MYO18B: variants seen among roughly 807,000 people sequenced by gnomAD.
MYO18B encodes myosin XVIIIB, also known as unconventional myosin-XVIIIb.
A neutral mutation model predicts 273.0 loss-of-function variants in MYO18B; 204 were observed. That is an observed-to-expected ratio of 0.75 (90% confidence interval 0.67 to 0.84). The LOEUF is 0.84. Ranked by LOEUF, MYO18B falls within the 40% of genes least tolerant of loss-of-function variation. MYO18B has a pLI of 0.00. For missense variants in MYO18B, 3,212 were observed against 3,287.6 expected, an observed-to-expected ratio of 0.98 and a Z score of 0.56; for synonymous variants, 1,330 against 1,305.7, an observed-to-expected ratio of 1.02 and a Z score of -0.40.
chr22:25,754,341 G>A (rs1199594084), intron 1 of MYO18B, among the ~76,000 whole-genome samples: 1 of 152,202 alleles, frequency 6.6e-6, no homozygotes, highest in Non-Finnish European at 1.5e-5. Context: ...AATTGACAGG[G>A]AGGATAGAAA....
Position 26,023,444 on chromosome 22 carries a change from T to C in MYO18B, c.6471-3001T>C, listed in dbSNP as rs367614110. 2.0e-4 allele frequency among the ~76,000 whole-genome samples: 30 copies of C among 151,708 alleles called. 1 individual carries two copies. Among genetic ancestry groups the C allele is most frequent in the African/African-American group, 4.6e-4 (19 of 41,302 alleles). Reference sequence around the variant, plus strand: ...CTTCCTCCTACTTTTATGCCTTTTTTCCCCCCTATGTTTTTGGCTCATCTT... The same window carrying C: ...CTTCCTCCTACTTTTATGCCTTTTTCCCCCCCTATGTTTTTGGCTCATCTT... On this transcript the variant is annotated intron_variant, in intron 42 of 43. Coordinates refer to ENST00000335473, the MANE Select transcript of MYO18B (RefSeq NM_032608.7).
chr22:25,861,839 A>G (rs1381887414), intron 21 of MYO18B, among the ~76,000 whole-genome samples: 1 of 152,176 alleles, frequency 6.6e-6, no homozygotes, highest in Non-Finnish European at 1.5e-5. Context: ...TCAGATTAAT[A>G]CTAACTTAAT....
chr22:25,904,931 A>G (rs1351240081), intron 31 of MYO18B, among the ~76,000 whole-genome samples: 5 of 131,596 alleles, frequency 3.8e-5, no homozygotes, highest in Admixed American at 3.7e-4. Context: ...AATGTGAGTT[A>G]CATGCCTGAG....
At chr22:26,036,069 G>A in the MYO18B span, among the ~76,000 whole-genome samples, 1 of 152,196 alleles carries the variant, frequency 6.6e-6, no homozygotes, top group South Asian at 2.1e-4. Context: ...TACATAGGAA[G>A]CAGAGGAGAG....
intron 34 of MYO18B, among the ~76,000 whole-genome samples, chr22:25,932,518 G>A (rs898664646): frequency 2.7e-5 from 4 of 150,542 alleles, no homozygotes; most frequent in African/African-American, 7.4e-5. Flanking sequence ...AAGCGATTCC[G>A]CTGTCTCAGC....
the MYO18B span, among the ~76,000 whole-genome samples, chr22:26,060,737 TATATAC>T: frequency 6.6e-6 from 1 of 151,718 alleles, no homozygotes; most frequent in African/African-American, 2.4e-5. Context: ...CATGCACACA[TATATAC>T]ATATACACAT....
intron 32 of MYO18B, among the ~76,000 whole-genome samples, chr22:25,908,645 G>A (rs1601544643): frequency 6.6e-6 from 1 of 152,136 alleles, no homozygotes; most frequent in Non-Finnish European, 1.5e-5. Context: ...GAAGCCTCTG[G>A]AACTGTCCAG....
At chr22:25,990,686 C>CA (rs745998234) in intron 39 of MYO18B, among the ~76,000 whole-genome samples, 389 of 27,032 alleles carry the variant, frequency 0.014, 55 homozygotes, top group East Asian at 0.04. Flanking sequence ...GACTTTGTCT[C>CA]AAAAAAAAAA....
chr22:25,984,119 G>A (rs186463294), intron 39 of MYO18B, among the ~76,000 whole-genome samples: 1 of 149,662 alleles, frequency 6.7e-6, no homozygotes, highest in East Asian at 1.9e-4. Flanking sequence ...TAGGTGAGGT[G>A]TACACAATTT....
intron 1 of MYO18B, among the ~76,000 whole-genome samples, chr22:25,750,335 A>T (rs1344125154): frequency 6.6e-6 from 1 of 152,130 alleles, no homozygotes; most frequent in Non-Finnish European, 1.5e-5. Context: ...AGCTTAACCC[A>T]CCTGGAAGAT....
At chr22:25,817,102 G>A (rs189669294) in intron 12 of MYO18B, among the ~76,000 whole-genome samples, 5 of 152,162 alleles carry the variant, frequency 3.3e-5, no homozygotes, top group South Asian at 2.1e-4. Flanking sequence ...ATTTTGTATC[G>A]ACATAAAGGG....
At chr22:25,839,190 G>A (rs1037990429) in intron 17 of MYO18B, among the ~76,000 whole-genome samples, 1 of 151,544 alleles carries the variant, frequency 6.6e-6, no homozygotes, top group Non-Finnish European at 1.5e-5. Context: ...GTATGAGTGT[G>A]TTTGTATATG....
At chr22:26,024,492 G>A (rs907278795) in intron 42 of MYO18B, among the ~76,000 whole-genome samples, 4 of 152,154 alleles carry the variant, frequency 2.6e-5, no homozygotes, top group African/African-American at 9.7e-5. Context: ...CACAGGAGAA[G>A]GATTGAGGGT....
intron 39 of MYO18B, among the ~76,000 whole-genome samples, chr22:25,977,933 G>A (rs2093109867): frequency 6.6e-6 from 1 of 152,132 alleles, no homozygotes; most frequent in Non-Finnish European, 1.5e-5. Context: ...GGTGGAGCTG[G>A]GTTGCAAGCT....
rs758365982 is a variant in MYO18B at position 25,902,702 on chromosome 22, G to T, written c.4913G>T (p.Arg1638Leu). ...GTGACCCAGGAGAACACCAGTGTCC[G>T]GTGGGAGCTAGGCCAGCTTCAGCAG... ...EKVTQENTSV[R>L]WELGQLQQQL... The change falls in exon 30 of 44, where the codon CGG becomes CTG. Residue 1638 changes from arginine (R) to leucine (L), a missense_variant. By Grantham distance (102) the Arg-to-Leu change is moderately radical. Coordinates refer to ENST00000335473, the MANE Select transcript of MYO18B (RefSeq NM_032608.7). 1.6e-5 allele frequency: 26 copies of T among 1,591,438 alleles called. 1 individual carries two copies. Among genetic ancestry groups the T allele is most frequent in the Non-Finnish European group, 1.5e-5 (17 of 1,168,510 alleles).
At chr22:25,911,398 T>C (rs919736676) in intron 33 of MYO18B, among the ~76,000 whole-genome samples, 5 of 152,210 alleles carry the variant, frequency 3.3e-5, no homozygotes, top group Non-Finnish European at 5.9e-5. Context: ...TGACTTTTGC[T>C]AGAAGCAGTC....
intron 2 of MYO18B, among the ~76,000 whole-genome samples, chr22:25,761,455 G>A (rs1263331896): frequency 1.3e-5 from 2 of 152,274 alleles, no homozygotes; most frequent in East Asian, 3.9e-4. Context: ...GATGAGCACT[G>A]GAGTTTGGGT....
At chr22:25,774,767 G>C (rs1016665932) in intron 7 of MYO18B, among the ~76,000 whole-genome samples, 3 of 152,210 alleles carry the variant, frequency 2.0e-5, no homozygotes, top group Non-Finnish European at 2.9e-5. Flanking sequence ...CACACCGGGG[G>C]ACTCTCTCAC....
intron 39 of MYO18B, chr22:25,964,043 A>G (rs1350769220): frequency 6.6e-6 from 1 of 152,210 alleles, no homozygotes; most frequent in African/African-American, 2.4e-5. Context: ...AGTACTTTAC[A>G]TGAATCCTCT....
Sources: gnomAD v4.1 joint callset for allele counts (sites outside exome capture counted in the v4.1 genomes callset) on GRCh38, gnomAD v4.1.1 for gene constraint, MANE v1.5 for transcripts, NCBI Gene and HGNC (gene_info 2026-07-23, HGNC 2026-07-21) for gene names.